The following MAML2 variants were observed in gnomAD, a reference collection of about 807,000 sequenced individuals.
MAML2 encodes mastermind like transcriptional coactivator 2, also known as mastermind-like protein 2.
In MAML2, 22 loss-of-function variants were observed where a neutral mutation model predicts 96.1. That is an observed-to-expected ratio of 0.23 (90% CI 0.16 to 0.33). The LOEUF is 0.33. MAML2 is among the 10% of genes least tolerant of loss of function. MAML2 has a pLI of 1.00. For missense variants in MAML2, 1,367 were observed against 1,392.4 expected (o/e 0.98, Z 0.29); for synonymous variants, 561 against 521.3 (o/e 1.08, Z -1.04).
chr11:96,175,053 G>T (rs962029115), intron 1 of MAML2, among the ~76,000 whole-genome samples: 2 of 152,238 alleles, frequency 1.3e-5, no homozygotes, highest in Non-Finnish European at 2.9e-5. Context: ...AGCAAAGCAG[G>T]AAGGGGAAAA....
At chr11:96,308,369 G>A (rs1218827832) in intron 1 of MAML2, among the ~76,000 whole-genome samples, 2 of 152,144 alleles carry the variant, frequency 1.3e-5, no homozygotes, top group Non-Finnish European at 2.9e-5. Flanking sequence ...GGTGACTGCT[G>A]TGTCATTCAA....
At chr11:96,280,278 G>GTA (rs1863046422) in intron 1 of MAML2, among the ~76,000 whole-genome samples, 1 of 152,130 alleles carries the variant, frequency 6.6e-6, no homozygotes, top group Admixed American at 6.5e-5. Flanking sequence ...TGGAAAGGGG[G>GTA]TAATAGTCTA....
In MAML2 at chr11:96,255,470, A is replaced by T. The variant is rs562296629; in HGVS notation, c.513+85913T>A. Reference sequence around the variant, plus strand: ...CAAACACTGTTGAGGAAATCAACACACATTCCCAATCCCCTCTCACTTGCT... The same window carrying T: ...CAAACACTGTTGAGGAAATCAACACTCATTCCCAATCCCCTCTCACTTGCT... On this transcript the variant is annotated intron_variant, in intron 1 of 4. Coordinates refer to ENST00000524717, the MANE Select transcript of MAML2 (RefSeq NM_032427.4). Among the ~76,000 whole-genome samples the T allele has an allele frequency of 1.8e-4, 28 of 152,350 alleles. 1 individual carries two copies. In the South Asian group the frequency reaches 5.6e-3, roughly 30 times the overall value.
chr11:96,231,094 T>G (rs1047310921), intron 1 of MAML2, among the ~76,000 whole-genome samples: 1 of 152,244 alleles, frequency 6.6e-6, no homozygotes, highest in Non-Finnish European at 1.5e-5. Flanking sequence ...TAATCTGGAT[T>G]GGTATCTAAA....
intron 1 of MAML2, among the ~76,000 whole-genome samples, chr11:96,321,275 T>C (rs888857444): frequency 6.6e-6 from 1 of 152,208 alleles, no homozygotes; most frequent in Non-Finnish European, 1.5e-5. Flanking sequence ...TGCTGGAATA[T>C]AAGAATTTGC....
chr11:96,138,234 C>T (rs1271068901), intron 1 of MAML2, among the ~76,000 whole-genome samples: 1 of 152,162 alleles, frequency 6.6e-6, no homozygotes, highest in Non-Finnish European at 1.5e-5. Flanking sequence ...TTCCTGTCGT[C>T]CATGCTGATA....
chr11:96,214,210 C>T (rs961737573), intron 1 of MAML2, among the ~76,000 whole-genome samples: 2 of 152,138 alleles, frequency 1.3e-5, no homozygotes, highest in African/African-American at 4.8e-5. Context: ...TTCCTTAGAA[C>T]TAGGATATAG....
chr11:96,042,668 C>T (rs1858834389), intron 2 of MAML2, among the ~76,000 whole-genome samples: 4 of 151,764 alleles, frequency 2.6e-5, no homozygotes, highest in African/African-American at 9.7e-5. Context: ...CTCCATCTTC[C>T]TTATTTACCT....
intron 2 of MAML2, among the ~76,000 whole-genome samples, chr11:96,029,445 T>C (rs1858576502): frequency 6.6e-6 from 1 of 152,156 alleles, no homozygotes; most frequent in Admixed American, 6.5e-5. Context: ...TCAAAGAGAT[T>C]CTTTACCAAT....
intron 3 of MAML2, among the ~76,000 whole-genome samples, chr11:95,986,444 C>G (rs1449510395): frequency 6.6e-6 from 1 of 151,994 alleles, no homozygotes; most frequent in East Asian, 1.9e-4. Context: ...TCATGATCCA[C>G]CCAGCTCAGC....
intron 1 of MAML2, among the ~76,000 whole-genome samples, chr11:96,251,630 C>G (rs1426325644): frequency 1.3e-5 from 2 of 152,082 alleles, no homozygotes; most frequent in African/African-American, 4.8e-5. Context: ...CAGTGATTAT[C>G]CCTTTTAATT....
intron 1 of MAML2, among the ~76,000 whole-genome samples, chr11:96,125,909 T>C (rs1397406875): frequency 6.6e-6 from 1 of 152,176 alleles, no homozygotes; most frequent in African/African-American, 2.4e-5. Flanking sequence ...AGGGCGTAGA[T>C]TCTGGTTGTA....
chr11:96,269,693 T>G (rs147689297), intron 1 of MAML2, among the ~76,000 whole-genome samples: 1 of 143,780 alleles, frequency 7.0e-6, no homozygotes, highest in East Asian at 2.0e-4. Context: ...GTATTTTTTA[T>G]AGAGATGGGG....
chr11:96,329,832 A>G (rs1863830890), intron 1 of MAML2, among the ~76,000 whole-genome samples: 1 of 152,238 alleles, frequency 6.6e-6, no homozygotes, highest in South Asian at 2.1e-4. Flanking sequence ...GTAATTTCCT[A>G]TCAAAAAGAG....
Position 96,326,747 on chromosome 11 carries a change from A to C in MAML2, c.513+14636T>G, listed in dbSNP as rs574899599. Among the ~76,000 whole-genome samples, 3 of 151,564 alleles carry C rather than the reference A, an allele frequency of 2.0e-5. No homozygotes were observed. The South Asian group carries it at 6.2e-4, about 31-fold the overall frequency. On this transcript the variant is annotated intron_variant, in intron 1 of 4. Transcript: ENST00000524717. ...ACAATTGCACTCCAGCCGGGCAACA[A>C]GAGCAAAAGTCTGTCAAAGTAAATA...
chr11:96,333,623 G>A (rs574862720), intron 1 of MAML2, among the ~76,000 whole-genome samples: 1 of 152,284 alleles, frequency 6.6e-6, no homozygotes, highest in East Asian at 1.9e-4. Context: ...GCCACATCAA[G>A]GCATGGAAAT....
chr11:96,278,867 G>T (rs949670214), intron 1 of MAML2, among the ~76,000 whole-genome samples: 2 of 152,198 alleles, frequency 1.3e-5, no homozygotes, highest in African/African-American at 2.4e-5. Context: ...CTAGAGGTAG[G>T]ATAACTGCGG....
chr11:96,142,036 A>C (rs1336949629), intron 1 of MAML2, among the ~76,000 whole-genome samples: 2 of 152,236 alleles, frequency 1.3e-5, no homozygotes, highest in African/African-American at 4.8e-5. Flanking sequence ...TGTGTAGCTA[A>C]CAGTACAATG....
chr11:96,268,229 C>T (rs1490778229), intron 1 of MAML2, among the ~76,000 whole-genome samples: 3 of 152,176 alleles, frequency 2.0e-5, no homozygotes, highest in Non-Finnish European at 4.4e-5. Flanking sequence ...AATCCCAGCA[C>T]TTTGGAAGGC....
Sources: allele counts gnomAD v4.1 joint callset (sites outside exome capture counted in the v4.1 genomes callset), GRCh38; gene constraint gnomAD v4.1.1; transcripts MANE v1.5; gene names NCBI Gene and HGNC (gene_info 2026-07-23, HGNC 2026-07-21).